The following GLIS3 variants were observed in gnomAD, a reference collection of about 807,000 sequenced individuals.
GLIS3 encodes GLIS family zinc finger 3.
A neutral mutation model predicts 78.6 loss-of-function variants in GLIS3; 53 were observed. The ratio of observed to expected loss-of-function variants is 0.67; its 90% CI spans 0.54 to 0.85. GLIS3 has a LOEUF of 0.85. Ranked by LOEUF, GLIS3 falls within the 40% of genes least tolerant of loss-of-function variation. The pLI is 0.00. For synonymous variants in GLIS3, 684 were observed against 509.9 expected (o/e 1.34, Z -4.60); for missense variants, 1,703 against 1,231.1 (o/e 1.38, Z -5.74).
chr9:3,878,672 A>G (rs1821491593), intron 8 of GLIS3: 1 of 152,090 alleles, frequency 6.6e-6, no homozygotes, highest in Non-Finnish European at 1.5e-5. Flanking sequence ...AAGTGGAGAG[A>G]GGTGACAAGA....
At chr9:3,933,286 C>T (rs1283899150) in intron 5 of GLIS3, among the ~76,000 whole-genome samples, 1 of 152,152 alleles carries the variant, frequency 6.6e-6, no homozygotes, top group Non-Finnish European at 1.5e-5. Context: ...AGTGATTCCC[C>T]TGCCTCAGCT....
At chr9:4,341,585 T>C (rs955485588) in intron 2 of GLIS3, among the ~76,000 whole-genome samples, 1 of 152,222 alleles carries the variant, frequency 6.6e-6, no homozygotes, top group Non-Finnish European at 1.5e-5. Flanking sequence ...TCCTCACCTA[T>C]ACTCACTTCC....
intron 4 of GLIS3, among the ~76,000 whole-genome samples, chr9:3,986,441 T>A (rs143768816): frequency 6.6e-5 from 10 of 152,226 alleles, no homozygotes; most frequent in Non-Finnish European, 1.3e-4. Flanking sequence ...CTCAAGCAGA[T>A]TTATGAAAAC....
the GLIS3 span, among the ~76,000 whole-genome samples, chr9:4,472,209 A>G: frequency 1.1e-4 from 16 of 152,338 alleles, no homozygotes; most frequent in South Asian, 1.9e-3. Flanking sequence ...CGATTCCTCA[A>G]GGATCTAGAA....
At chr9:4,206,594 T>C (rs1452798445) in intron 2 of GLIS3, among the ~76,000 whole-genome samples, 1 of 152,198 alleles carries the variant, frequency 6.6e-6, no homozygotes, top group African/African-American at 2.4e-5. Context: ...AAGAGAATAC[T>C]TTATAATCTC....
chr9:4,220,385 G>A (rs923040039), intron 2 of GLIS3, among the ~76,000 whole-genome samples: 8 of 152,128 alleles, frequency 5.3e-5, no homozygotes, highest in East Asian at 1.9e-4. Flanking sequence ...TCGTGGGCAC[G>A]AAATCTTTAT....
At chr9:4,469,528 G>A in the GLIS3 span, among the ~76,000 whole-genome samples, 5 of 152,198 alleles carry the variant, frequency 3.3e-5, no homozygotes, top group East Asian at 9.6e-4. Context: ...ACATGCTACT[G>A]AATGACTACT....
chr9:4,385,140 C>T, the GLIS3 span, among the ~76,000 whole-genome samples: 1 of 152,312 alleles, frequency 6.6e-6, no homozygotes, highest in African/African-American at 2.4e-5. Flanking sequence ...ACACAGTGAA[C>T]TCTTAGCACC....
At position 3,855,579 on chromosome 9, in the gene GLIS3, C is replaced by G. The variant is rs911256659; in HGVS notation, c.2473+430G>C. Reference sequence around the variant, plus strand: ...TCAGCTGGGGGATCAGGAAGGGCTTCAGAGAGGAGGTGTCATTCCACCTGC... The same window carrying G: ...TCAGCTGGGGGATCAGGAAGGGCTTGAGAGAGGAGGTGTCATTCCACCTGC... On this transcript the variant is annotated intron_variant, in intron 9 of 10. Coordinates refer to ENST00000381971, the MANE Select transcript of GLIS3 (RefSeq NM_001042413.2). 7 of 246,424 alleles carry G rather than the reference C, an allele frequency of 2.8e-5. No homozygotes were observed. In the Admixed American group the frequency reaches 3.6e-4, roughly 13 times the overall value. 15.3% of individuals were successfully genotyped at this position (246,424 alleles called of 1,614,324 possible). A position where few individuals can be genotyped will look rare whatever the true frequency, so the allele number is the denominator to read the frequency against.
the GLIS3 span, among the ~76,000 whole-genome samples, chr9:4,418,423 A>T: frequency 3.3e-5 from 5 of 152,250 alleles, no homozygotes; most frequent in Non-Finnish European, 7.3e-5. Context: ...AAAACCTCTG[A>T]ACTAAGTATT....
chr9:4,231,065 G>C (rs751143739), intron 2 of GLIS3, among the ~76,000 whole-genome samples: 3 of 151,306 alleles, frequency 2.0e-5, no homozygotes, highest in Non-Finnish European at 4.4e-5. Flanking sequence ...GAATGAGACT[G>C]TCTGTAAAAA....
chr9:4,246,615 T>A (rs1823826929), intron 2 of GLIS3, among the ~76,000 whole-genome samples: 1 of 152,186 alleles, frequency 6.6e-6, no homozygotes, highest in Admixed American at 6.5e-5. Flanking sequence ...AAACTGAGAC[T>A]GGAGTTCAGT....
chr9:4,172,625 A>G (rs532058530), intron 2 of GLIS3, among the ~76,000 whole-genome samples: 2 of 152,342 alleles, frequency 1.3e-5, no homozygotes, highest in South Asian at 4.1e-4. Context: ...TAAATGAGTG[A>G]ATTAATATTA....
intron 4 of GLIS3, among the ~76,000 whole-genome samples, chr9:4,069,700 T>C (rs1232237646): frequency 6.6e-6 from 1 of 152,152 alleles, no homozygotes; most frequent in Non-Finnish European, 1.5e-5. Context: ...TGGTCTACAG[T>C]GCATACTTAC....
chr9:3,975,765 A>G (rs1818734655), intron 4 of GLIS3, among the ~76,000 whole-genome samples: 2 of 152,128 alleles, frequency 1.3e-5, no homozygotes, highest in Admixed American at 1.3e-4. Context: ...AGGAGGAAAA[A>G]TATCAAGCTA....
chr9:3,986,628 C>G (rs922445417), intron 4 of GLIS3, among the ~76,000 whole-genome samples: 2 of 152,248 alleles, frequency 1.3e-5, no homozygotes, highest in Non-Finnish European at 2.9e-5. Context: ...GCAGGGAAAT[C>G]TCACCACAGG....
At chr9:4,109,492 G>A (rs1486692030) in intron 4 of GLIS3, among the ~76,000 whole-genome samples, 1 of 152,150 alleles carries the variant, frequency 6.6e-6, no homozygotes, top group Non-Finnish European at 1.5e-5. Flanking sequence ...AGATAAATGT[G>A]TGTTTCATAT....
the GLIS3 span, among the ~76,000 whole-genome samples, chr9:4,385,819 AAAGAGAAAAG>A: frequency 1.3e-4 from 6 of 45,824 alleles, no homozygotes; most frequent in Admixed American, 1.3e-3. Flanking sequence ...GAAAAGAAAG[AAAGAGAAAAG>A]AAAGAAAAAA....
chr9:4,360,782 C>G, the GLIS3 span, among the ~76,000 whole-genome samples: 1 of 152,158 alleles, frequency 6.6e-6, no homozygotes, highest in Non-Finnish European at 1.5e-5. Flanking sequence ...GGCACAGACA[C>G]CTTGAAGGGT....
Sources: allele counts gnomAD v4.1 joint callset (sites outside exome capture counted in the v4.1 genomes callset), GRCh38; gene constraint gnomAD v4.1.1; transcripts MANE v1.5; gene names NCBI Gene and HGNC (gene_info 2026-07-23, HGNC 2026-07-21).